GALNT2: variants seen among roughly 807,000 people sequenced by gnomAD.
GALNT2 encodes UDP-GalNAc:polypeptide N-acetylgalactosaminyltransferase 2.
In GALNT2, 31 loss-of-function variants were observed where a neutral mutation model predicts 81.4. The ratio of observed to expected loss-of-function variants is 0.38; its 90% confidence interval spans 0.29 to 0.51. The LOEUF (loss-of-function observed/expected upper bound fraction) is 0.51. GALNT2 is among the 20% of genes least tolerant of loss of function. GALNT2 has a pLI of 0.87. For missense variants in GALNT2, 629 were observed against 765.7 expected (o/e 0.82, Z 2.11); for synonymous variants, 303 against 287.4 (o/e 1.05, Z -0.55).
At chr1:230,167,819 C>G (rs1007714274) in intron 1 of GALNT2, among the ~76,000 whole-genome samples, 2 of 152,170 alleles carry the variant, frequency 1.3e-5, no homozygotes, top group Non-Finnish European at 2.9e-5. Context: ...GCCCTTGGGC[C>G]CCGCTCATCA....
At chr1:230,139,105 C>A (rs560450666) in intron 1 of GALNT2, among the ~76,000 whole-genome samples, 1 of 152,288 alleles carries the variant, frequency 6.6e-6, no homozygotes, top group South Asian at 2.1e-4. Flanking sequence ...TGTGAGGAGA[C>A]CAACAAGAGC....
chr1:230,111,417 C>G (rs1293556924), intron 1 of GALNT2, among the ~76,000 whole-genome samples: 2 of 152,248 alleles, frequency 1.3e-5, no homozygotes, highest in Admixed American at 1.3e-4. Context: ...TACAAACACA[C>G]ATGTGTATTT....
upstream of GALNT2, among the ~76,000 whole-genome samples, chr1:230,062,933 A>T (rs1171953870): frequency 2.6e-5 from 4 of 152,190 alleles, no homozygotes; most frequent in East Asian, 7.7e-4. Flanking sequence ...AGGAACCACT[A>T]TACCATTTTC....
Position 230,244,688 on chromosome 1 carries a change from C to A in GALNT2, c.729+1261C>A, listed in dbSNP as rs114824069. ...GCCTATTAACTTTCACTAAATTGAG[C>A]CTTATGAAACAAAATGTAAAGTAGA... On this transcript the variant is annotated intron_variant, in intron 7 of 15. Coordinates refer to ENST00000366672, the MANE Select transcript of GALNT2 (RefSeq NM_004481.5). 3.3e-3 allele frequency among the ~76,000 whole-genome samples: 509 copies of A among 152,278 alleles called. 9 individuals are homozygous for A. The highest frequency in any genetic ancestry group is 0.012 in the African/African-American group (482 of 41,552).
At chr1:230,278,112 C>CT (rs34767763) in intron 15 of GALNT2, among the ~76,000 whole-genome samples, 8,279 of 121,156 alleles carry the variant, frequency 0.068, 471 homozygotes, top group East Asian at 0.31. Flanking sequence ...GTTTTTCTTT[C>CT]TTTTTTTTTT....
chr1:230,068,830 T>G (rs1659287110), intron 1 of GALNT2, among the ~76,000 whole-genome samples: 1 of 152,192 alleles, frequency 6.6e-6, no homozygotes, highest in African/African-American at 2.4e-5. Context: ...TAGCGTTGTT[T>G]TTGTAAAAAA....
At chr1:230,245,052 C>T (rs1665322664) in intron 7 of GALNT2, among the ~76,000 whole-genome samples, 1 of 152,186 alleles carries the variant, frequency 6.6e-6, no homozygotes, top group African/African-American at 2.4e-5. Context: ...CAGCATCCGT[C>T]ATTTGAGCTT....
At chr1:230,152,252 G>T (rs1662114577) in intron 1 of GALNT2, among the ~76,000 whole-genome samples, 1 of 152,138 alleles carries the variant, frequency 6.6e-6, no homozygotes, top group Non-Finnish European at 1.5e-5. Context: ...CTCTCAGGGG[G>T]CTCAGGCTGA....
intron 1 of GALNT2, among the ~76,000 whole-genome samples, chr1:230,084,291 G>A (rs1659836548): frequency 6.6e-6 from 1 of 152,148 alleles, no homozygotes; most frequent in Admixed American, 6.5e-5. Flanking sequence ...TCCATGAGAG[G>A]TGAGTCCTCA....
In GALNT2 at chr1:230,256,977, C is replaced by A. The variant is rs575730111; in HGVS notation, c.1136+1633C>A. Among the ~76,000 whole-genome samples the A allele has an allele frequency of 4.6e-5, 7 of 152,052 alleles. No individual in the cohort carries two copies. In the South Asian group the frequency reaches 1.2e-3, roughly 27 times the overall value. ...GGTGGGAGGAGGTCCCTCTGGGACC[C>A]CGAGGAATCAGACTACCTGCAGGAG... On this transcript the variant is annotated intron_variant, in intron 11 of 15. Transcript: ENST00000366672.
At chr1:230,194,192 G>A (rs1293151993) in intron 2 of GALNT2, among the ~76,000 whole-genome samples, 1 of 152,196 alleles carries the variant, frequency 6.6e-6, no homozygotes, top group East Asian at 1.9e-4. Flanking sequence ...GAGTATCAGT[G>A]GGGAGGCATG....
intron 13 of GALNT2, 85 bp from the exon 14 acceptor site, chr1:230,265,156 C>A: frequency 6.3e-7 from 1 of 1,580,888 alleles, no homozygotes; most frequent in Non-Finnish European, 8.7e-7. Context: ...TGTCACCTGT[C>A]ATGAGGCCAC....
intron 1 of GALNT2, among the ~76,000 whole-genome samples, chr1:230,145,439 T>C (rs967252727): frequency 3.9e-5 from 6 of 152,208 alleles, no homozygotes; most frequent in Non-Finnish European, 5.9e-5. Context: ...CCCTTTTAGG[T>C]GTCTGGTGTT....
chr1:230,246,869 T>C (rs1000719111), intron 8 of GALNT2, among the ~76,000 whole-genome samples: 6 of 152,212 alleles, frequency 3.9e-5, no homozygotes, highest in African/African-American at 1.4e-4. Flanking sequence ...TGTGTGAAGA[T>C]GAACTATTCT....
intron 1 of GALNT2, among the ~76,000 whole-genome samples, chr1:230,176,377 A>G (rs918260539): frequency 6.6e-6 from 1 of 152,340 alleles, no homozygotes; most frequent in South Asian, 2.1e-4. Flanking sequence ...AAAATATGCT[A>G]GAGTCACCAG....
chr1:230,137,287 G>T (rs1416803039), intron 1 of GALNT2, among the ~76,000 whole-genome samples: 1 of 152,228 alleles, frequency 6.6e-6, no homozygotes, highest in Admixed American at 6.5e-5. Context: ...GCTGGGGTGG[G>T]GTTGGTTCTG....
intron 3 of GALNT2, among the ~76,000 whole-genome samples, chr1:230,217,945 C>T (rs940780098): frequency 2.6e-5 from 4 of 152,128 alleles, no homozygotes; most frequent in African/African-American, 4.8e-5. Flanking sequence ...CTGTAGCAGC[C>T]ATTGAGTGAG....
intron 1 of GALNT2, among the ~76,000 whole-genome samples, chr1:230,122,019 T>C (rs1661032553): frequency 6.9e-6 from 1 of 145,064 alleles, no homozygotes; most frequent in South Asian, 2.2e-4. Flanking sequence ...ACTCTTGGGC[T>C]CAACCATTCA....
chr1:230,060,759 T>A (rs759438126), intron 1 of GALNT2, among the ~76,000 whole-genome samples: 15 of 152,148 alleles, frequency 9.9e-5, no homozygotes, highest in Non-Finnish European at 1.8e-4. Flanking sequence ...ACTCAAAGAG[T>A]TCTCCTTTTG....
Sources: gnomAD v4.1 joint callset for allele counts (sites outside exome capture counted in the v4.1 genomes callset) on GRCh38, gnomAD v4.1.1 for gene constraint, MANE v1.5 for transcripts, NCBI Gene and HGNC (gene_info 2026-07-23, HGNC 2026-07-21) for gene names.